Variants in STK10 observed in about 807,000 individuals in gnomAD.
STK10 encodes the protein serine/threonine kinase 10, also known as serine/threonine-protein kinase 10.
STK10 carries 78 observed loss-of-function variants against 113.8 expected under a neutral mutation model. The ratio of observed to expected loss-of-function variants is 0.69; its 90% CI spans 0.57 to 0.83. STK10 has a LOEUF of 0.83. Ranked by LOEUF, STK10 falls within the 40% of genes least tolerant of loss-of-function variation. The probability of loss-of-function intolerance (pLI) is 0.00; values close to 1 mark genes in which losing one functional copy is unlikely to be tolerated. For synonymous variants in STK10, 465 were observed against 494.7 expected (o/e 0.94, Z 0.80); for missense variants, 1,109 against 1,280.1 (o/e 0.87, Z 2.04).
At chr5:172,125,236 G>A (rs942324087) in intron 3 of STK10, among the ~76,000 whole-genome samples, 3 of 152,144 alleles carry the variant, frequency 2.0e-5, no homozygotes, top group African/African-American at 4.8e-5. Context: ...GATCAATCTC[G>A]TCAACAGGCT....
intron 18 of STK10, among the ~76,000 whole-genome samples, chr5:172,049,053 G>A (rs551004814): frequency 2.0e-5 from 3 of 152,124 alleles, no homozygotes; most frequent in Non-Finnish European, 4.4e-5. Flanking sequence ...ACATCTTCCT[G>A]CCACACCGTC....
At position 172,147,418 on chromosome 5, in the gene STK10, G is replaced by A. The variant is rs529060940; in HGVS notation, c.321+9206C>T. On this transcript the variant is annotated intron_variant, in intron 2 of 18. Coordinates refer to ENST00000176763, the MANE Select transcript of STK10 (RefSeq NM_005990.4). ...TTTCTTTTTTTTTTTTTGAGACAGA[G>A]TCTTGCTCTGTCGTCCAGGCTGGAG... Among the ~76,000 whole-genome samples the A allele has an allele frequency of 2.8e-4, 43 of 151,410 alleles. No homozygotes were observed. The East Asian group carries it at 7.4e-3, about 26-fold the overall frequency.
Position 172,187,889 on chromosome 5 carries a change from T to C in STK10, c.154A>G (p.Lys52Glu), listed in dbSNP as rs1377939973. ...LGDGAFGKVY[K>E]AKNKETGALA... Reference sequence around the variant, plus strand: ...GCCACCCACCTCAGCGCCCTCACCTTGTAAACCTTGCCGAAGGCGCCGTCG... The same window carrying C: ...GCCACCCACCTCAGCGCCCTCACCTCGTAAACCTTGCCGAAGGCGCCGTCG... Residue 52 changes from lysine to glutamate, a missense_variant and splice_region_variant, in exon 1 of 19, where the codon AAG (lysine) becomes GAG (glutamate). Physicochemically the swap from Lys to Glu is moderately conservative, Grantham distance 56. Coordinates refer to ENST00000176763, the MANE Select transcript of STK10 (RefSeq NM_005990.4). This position sits in a 1 kb window ranked among gnomAD's most constrained non-coding sequence, Gnocchi z 4.6. 1.9e-6 allele frequency: 3 copies of C among 1,613,028 alleles called. No homozygotes were observed. The highest frequency in any genetic ancestry group is 2.2e-5 in the East Asian group (1 of 44,818).
At position 172,106,749 on chromosome 5, in the gene STK10, A is replaced by G. The variant is rs1435844540; in HGVS notation, c.659T>C (p.Ile220Thr). The G allele has an allele frequency of 6.2e-7, 1 of 1,614,180 alleles. No homozygotes were observed. Among genetic ancestry groups the G allele is most frequent in the Admixed American group, 1.7e-5 (1 of 60,028 alleles). ...KDTPYDYKAD[I>T]WSLGITLIEM... ...AATCAGCGTGATGCCCAGGGACCAG[A>G]TGTCGGCTTTGTAGTCGTAGGGCGT... Residue 220 changes from isoleucine (I) to threonine (T), a missense_variant, in exon 6 of 19, where the codon ATC becomes ACC. By Grantham distance (89) the Ile-to-Thr change is moderately conservative. This residue lies in a region of STK10 where 885 missense variants were observed against 991.1 expected (regional missense o/e 0.89). Coordinates refer to ENST00000176763, the MANE Select transcript of STK10 (RefSeq NM_005990.4).
At chr5:172,078,751 C>A (rs1561797972) in intron 12 of STK10, among the ~76,000 whole-genome samples, 3 of 150,302 alleles carry the variant, frequency 2.0e-5, no homozygotes, top group Non-Finnish European at 2.9e-5. Flanking sequence ...GTGAGCGGAA[C>A]CCCAGGTGCC....
intron 2 of STK10, among the ~76,000 whole-genome samples, chr5:172,141,224 T>C (rs1769966077): frequency 6.6e-6 from 1 of 152,192 alleles, no homozygotes; most frequent in Admixed American, 6.6e-5. Flanking sequence ...CACAATGTGC[T>C]GTACACGTTA....
chr5:172,057,244 T>A (rs1767825508), intron 15 of STK10, 105 bp downstream of exon 15: 2 of 1,490,564 alleles, frequency 1.3e-6, no homozygotes, highest in African/African-American at 2.8e-5. Context: ...GGGGCACTTG[T>A]CATCCAAAGT....
chr5:172,183,088 T>C (rs1313700397), intron 1 of STK10, among the ~76,000 whole-genome samples: 1 of 151,962 alleles, frequency 6.6e-6, no homozygotes, highest in Non-Finnish European at 1.5e-5. Context: ...GTGCCTGTAG[T>C]CCCAGCTACT....
At chr5:172,162,332 C>T (rs1437390301) in intron 1 of STK10, among the ~76,000 whole-genome samples, 1 of 151,852 alleles carries the variant, frequency 6.6e-6, no homozygotes, top group African/African-American at 2.4e-5. Flanking sequence ...AGTGAGACTC[C>T]ATCTCAAAAA....
chr5:172,060,064 G>A (rs1383296560), intron 14 of STK10, among the ~76,000 whole-genome samples: 2 of 152,162 alleles, frequency 1.3e-5, no homozygotes, highest in African/African-American at 2.4e-5. Context: ...AGGTGATTAG[G>A]TCATGAGGGT....
intron 13 of STK10, among the ~76,000 whole-genome samples, chr5:172,062,039 G>A (rs1330505185): frequency 1.3e-5 from 2 of 150,154 alleles, no homozygotes; most frequent in African/African-American, 4.9e-5. Flanking sequence ...GTGCAATGGC[G>A]TGATCTCAGC....
At chr5:172,094,977 T>A (rs933164354) in intron 8 of STK10, among the ~76,000 whole-genome samples, 2 of 152,212 alleles carry the variant, frequency 1.3e-5, no homozygotes, top group African/African-American at 4.8e-5. Context: ...TGAGTATCCA[T>A]GTAGCCACTT....
intron 3 of STK10, among the ~76,000 whole-genome samples, chr5:172,118,057 C>T (rs1176700025): frequency 1.3e-5 from 2 of 150,784 alleles, no homozygotes; most frequent in African/African-American, 2.4e-5. Flanking sequence ...GAGTGCTCAC[C>T]GTGTACTGGA....
chr5:172,067,724 G>C (rs1010246702), intron 12 of STK10, among the ~76,000 whole-genome samples: 22 of 152,012 alleles, frequency 1.4e-4, no homozygotes, highest in Non-Finnish European at 4.4e-5. Context: ...GGTGATCACA[G>C]AGGAGGGTCA....
chr5:172,177,979 C>T (rs1264086015), intron 1 of STK10, among the ~76,000 whole-genome samples: 1 of 152,214 alleles, frequency 6.6e-6, no homozygotes, highest in African/African-American at 2.4e-5. Context: ...CAGGCATGAG[C>T]CACCACACCC....
chr5:172,082,705 A>G lies in STK10; in HGVS notation c.1810-200T>C, dbSNP rs1768461096. On this transcript the variant is annotated intron_variant, in intron 11 of 18. Transcript: ENST00000176763. The surrounding 1 kb of genome is among the most constrained non-coding windows in gnomAD (Gnocchi z 4.3). ...TCCTCATCTGCAAAAGGGAGACCAG[A>G]CCATGTGTTGTTGCACGGTGCTCAA... Among the ~76,000 whole-genome samples, 1 of 152,148 alleles carries G rather than the reference A, an allele frequency of 6.6e-6. No individual in the cohort carries two copies. Among genetic ancestry groups the G allele is most frequent in the Admixed American group, 6.5e-5 (1 of 15,270 alleles).
Position 172,044,981 on chromosome 5 carries a change from C to G in STK10, c.2808G>C (p.Glu936Asp). The G allele has an allele frequency of 6.2e-7, 1 of 1,614,216 alleles. No individual in the cohort carries two copies. Among genetic ancestry groups the G allele is most frequent in the Non-Finnish European group, 8.5e-7 (1 of 1,180,048 alleles). ...CCTCCTCGCTCAGCTTGAAGAACAT[C>G]TCCTGCTCCCGCTTCTTCTGGTTCA... Reference protein sequence around the residue: ...EDLNQKKREQEMFFKLSEEAE... With the variant: ...EDLNQKKREQDMFFKLSEEAE... Residue 936 changes from glutamate to aspartate, a missense_variant, in exon 19 of 19, where the codon GAG becomes GAC. By Grantham distance (45) the Glu-to-Asp change is conservative. This residue lies in a region of STK10 where 885 missense variants were observed against 991.1 expected (regional missense o/e 0.89). Coordinates refer to ENST00000176763, the MANE Select transcript of STK10 (RefSeq NM_005990.4). The surrounding 1 kb of genome is among the most constrained non-coding windows in gnomAD (Gnocchi z 4.5).
chr5:172,116,190 C>G (rs1310395376), intron 4 of STK10, among the ~76,000 whole-genome samples: 1 of 152,188 alleles, frequency 6.6e-6, no homozygotes, highest in African/African-American at 2.4e-5. Context: ...AAGCGATTCT[C>G]CTGTCTCAGC....
At chr5:172,061,316 A>C in intron 13 of STK10, 48 bp from the exon 14 acceptor site, 1 of 1,564,740 alleles carries the variant, frequency 6.4e-7, no homozygotes, top group Non-Finnish European at 8.6e-7. Context: ...CGGCTTGGGC[A>C]CCTCCATGTC....
Sources: allele counts gnomAD v4.1 joint callset (sites outside exome capture counted in the v4.1 genomes callset), GRCh38; gene constraint gnomAD v4.1.1; regional missense constraint gnomAD v4.1.1; non-coding constraint Gnocchi (gnomAD v3.1); transcripts MANE v1.5; gene names NCBI Gene and HGNC (gene_info 2026-07-23, HGNC 2026-07-21).